UNC13C: variants seen among roughly 807,000 people sequenced by gnomAD.
UNC13C encodes unc-13 homolog C, also known as protein unc-13 homolog C.
In UNC13C, 174 loss-of-function variants were observed where a neutral mutation model predicts 245.4. That is an observed-to-expected ratio of 0.71 (90% CI 0.63 to 0.80). The LOEUF is 0.80. Among genes scored for constraint, UNC13C ranks in the 30% least tolerant of loss-of-function variants. UNC13C has a pLI of 0.00. For synonymous variants in UNC13C, 992 were observed against 895.1 expected, an observed-to-expected ratio of 1.11 and a Z score of -1.93; for missense variants, 2,829 against 2,602.9, an observed-to-expected ratio of 1.09 and a Z score of -1.89.
At chr15:54,585,218 G>A (rs778749435) in intron 30 of UNC13C, among the ~76,000 whole-genome samples, 11 of 152,258 alleles carry the variant, frequency 7.2e-5, no homozygotes, top group African/African-American at 1.4e-4. Flanking sequence ...TTTGGGTCAC[G>A]GGGCAGATCC....
chr15:54,343,509 C>T (rs2038787463), intron 17 of UNC13C, among the ~76,000 whole-genome samples: 1 of 152,204 alleles, frequency 6.6e-6, no homozygotes, highest in African/African-American at 2.4e-5. Context: ...CTGAACCAAA[C>T]TGCTCTGCTC....
chr15:54,125,643 G>A (rs996897738), intron 2 of UNC13C, among the ~76,000 whole-genome samples: 6 of 151,944 alleles, frequency 3.9e-5, no homozygotes, highest in Admixed American at 3.3e-4. Flanking sequence ...AGTGTAATAG[G>A]GAAATTTAAG....
chr15:54,599,871 C>T (rs1313436514), intron 30 of UNC13C, among the ~76,000 whole-genome samples: 1 of 152,148 alleles, frequency 6.6e-6, no homozygotes, highest in Non-Finnish European at 1.5e-5. Context: ...ACTCTTCTTT[C>T]TCTCGCACCT....
At chr15:54,454,197 T>A (rs1305877747) in intron 19 of UNC13C, among the ~76,000 whole-genome samples, 1 of 152,152 alleles carries the variant, frequency 6.6e-6, no homozygotes, top group East Asian at 1.9e-4. Flanking sequence ...CATGAGGTGC[T>A]ACATTCACAA....
At chr15:54,601,557 T>G (rs1446202086) in intron 30 of UNC13C, among the ~76,000 whole-genome samples, 1 of 152,140 alleles carries the variant, frequency 6.6e-6, no homozygotes, top group East Asian at 1.9e-4. Flanking sequence ...ATCAGAATCT[T>G]GCATAGGCTA....
At chr15:53,948,458 T>C in the UNC13C span, 2 of 151,846 alleles carry the variant, frequency 1.3e-5, no homozygotes, top group African/African-American at 4.8e-5. Flanking sequence ...CTACTCAAAA[T>C]ACAAAATTAG....
rs567238240 is a variant in UNC13C at position 54,486,409 on chromosome 15, A to G, written c.4934-8199A>G. Reference sequence around the variant, plus strand: ...AGCCAAGATCACGCCACTGCACTACAGCTAGGGTGACAGAGCAAGACTCCA... The same window carrying G: ...AGCCAAGATCACGCCACTGCACTACGGCTAGGGTGACAGAGCAAGACTCCA... On this transcript the variant is annotated intron_variant, in intron 19 of 32. Coordinates refer to ENST00000260323, the MANE Select transcript of UNC13C (RefSeq NM_001080534.3). Among the ~76,000 whole-genome samples, 442 of 151,514 alleles carry G rather than the reference A, an allele frequency of 2.9e-3. 4 individuals are homozygous for G. The highest frequency in any genetic ancestry group is 9.9e-3 in the African/African-American group (410 of 41,260).
At chr15:54,633,266 A>C (rs534267783), downstream of UNC13C, 1 of 152,198 alleles carries the variant, frequency 6.6e-6, no homozygotes, top group South Asian at 2.1e-4. Flanking sequence ...TGAATCTTCA[A>C]TTCGTGGGCA....
intron 17 of UNC13C, among the ~76,000 whole-genome samples, chr15:54,339,652 T>C (rs1025147910): frequency 2.3e-5 from 2 of 87,926 alleles, no homozygotes; most frequent in African/African-American, 6.6e-5. Flanking sequence ...TATATATATA[T>C]ATATATATAT....
chr15:54,231,399 T>C lies in UNC13C; in HGVS notation c.3072-3631T>C, dbSNP rs556823120. On this transcript the variant is annotated intron_variant, in intron 4 of 32. Transcript: ENST00000260323. ...AGAGATATAGGATATCCCAATCAGA[T>C]AAGCAGTGGAGCACGGTAAGTCATA... is the stretch of plus-strand genomic sequence containing the variant. Among the ~76,000 whole-genome samples, 4 of 152,140 alleles carry C rather than the reference T, an allele frequency of 2.6e-5. No homozygotes were observed. The East Asian group carries it at 7.7e-4, about 29-fold the overall frequency.
In UNC13C at chr15:54,015,210, T is replaced by A. The variant is rs1458550874; in HGVS notation, c.2307T>A (p.Asp769Glu). The stretch of plus-strand genomic sequence containing the variant: ...GAAGTCAAAGTGAATTGCAAAGTGA[T>A]GATTCAGAGGATGCCCCACCCAAAT... Reference protein sequence around the residue: ...MYRSQSELQSDDSEDAPPKSW... With the variant: ...MYRSQSELQSEDSEDAPPKSW... Residue 769 changes from aspartate (D) to glutamate (E), a missense_variant, in exon 2 of 33, where the codon GAT becomes GAA. Coordinates refer to ENST00000260323, the MANE Select transcript of UNC13C (RefSeq NM_001080534.3). 6.2e-7 allele frequency: 1 copy of A among 1,613,144 alleles called. No homozygotes were observed. Among genetic ancestry groups the A allele is most frequent in the Non-Finnish European group, 8.5e-7 (1 of 1,179,658 alleles).
At chr15:54,592,200 A>C (rs954799661) in intron 30 of UNC13C, among the ~76,000 whole-genome samples, 1 of 152,088 alleles carries the variant, frequency 6.6e-6, no homozygotes, top group Non-Finnish European at 1.5e-5. Flanking sequence ...ATTGAGGCTC[A>C]TTTTATGGCC....
At chr15:54,091,272 T>A (rs1050523581) in intron 2 of UNC13C, among the ~76,000 whole-genome samples, 2 of 152,244 alleles carry the variant, frequency 1.3e-5, no homozygotes, top group East Asian at 3.8e-4. Context: ...TCCTCAGCTC[T>A]GTTTAACTTG....
At chr15:54,041,769 A>G (rs965662531) in intron 2 of UNC13C, among the ~76,000 whole-genome samples, 3 of 152,234 alleles carry the variant, frequency 2.0e-5, no homozygotes, top group Non-Finnish European at 4.4e-5. Context: ...ATAGATAAAG[A>G]TGGATATCTG....
chr15:54,192,751 G>A (rs1370503520), intron 4 of UNC13C, among the ~76,000 whole-genome samples: 7 of 151,996 alleles, frequency 4.6e-5, no homozygotes, highest in Non-Finnish European at 7.4e-5. Context: ...AGCACTACTC[G>A]GCTTCCCACT....
intron 4 of UNC13C, among the ~76,000 whole-genome samples, chr15:54,151,889 A>G (rs935731117): frequency 6.6e-6 from 1 of 152,112 alleles, no homozygotes; most frequent in African/African-American, 2.4e-5. Flanking sequence ...TTTTCCTTTC[A>G]TCTTTAGGTG....
At chr15:54,353,780 A>G (rs749448613) in intron 17 of UNC13C, among the ~76,000 whole-genome samples, 5 of 152,164 alleles carry the variant, frequency 3.3e-5, no homozygotes, top group African/African-American at 4.8e-5. Flanking sequence ...GCCAAATGCC[A>G]TCCTCTACCA....
At chr15:54,556,039 C>A (rs1023582158) in intron 29 of UNC13C, among the ~76,000 whole-genome samples, 3 of 151,932 alleles carry the variant, frequency 2.0e-5, no homozygotes, top group Admixed American at 2.0e-4. Flanking sequence ...GTTTTCATAG[C>A]CAAAGATTAA....
At chr15:54,343,388 C>T (rs948202728) in intron 17 of UNC13C, among the ~76,000 whole-genome samples, 18 of 152,114 alleles carry the variant, frequency 1.2e-4, no homozygotes, top group African/African-American at 3.9e-4. Context: ...CTGCCTCAGC[C>T]TCCCAAAGTG....
Sources: gnomAD v4.1 joint callset for allele counts (sites outside exome capture counted in the v4.1 genomes callset) on GRCh38, gnomAD v4.1.1 for gene constraint, MANE v1.5 for transcripts, NCBI Gene and HGNC (gene_info 2026-07-23, HGNC 2026-07-21) for gene names.